Variants in CLSTN2 observed in about 807,000 individuals in gnomAD.
CLSTN2 encodes calsyntenin-2.
In CLSTN2, 48 loss-of-function variants were observed where a neutral mutation model predicts 101.2. That is an observed-to-expected ratio of 0.47 (90% CI 0.38 to 0.60). The LOEUF is 0.60. CLSTN2 is among the 20% of genes least tolerant of loss of function. The pLI is 0.00. For synonymous variants in CLSTN2, 481 were observed against 463.6 expected (o/e 1.04, Z -0.48); for missense variants, 1,160 against 1,238.2 (o/e 0.94, Z 0.95).
chr3:140,219,202 G>C (rs1259410677), intron 2 of CLSTN2, among the ~76,000 whole-genome samples: 2 of 151,948 alleles, frequency 1.3e-5, no homozygotes, highest in African/African-American at 4.8e-5. Flanking sequence ...TATTTCTAAA[G>C]AGTGAGGTGC....
At chr3:140,252,511 T>G (rs1368803053) in intron 2 of CLSTN2, among the ~76,000 whole-genome samples, 2 of 152,154 alleles carry the variant, frequency 1.3e-5, no homozygotes, top group African/African-American at 4.8e-5. Context: ...GAAGGGCGTA[T>G]AGATGAAAAA....
intron 11 of CLSTN2, among the ~76,000 whole-genome samples, chr3:140,558,069 G>C (rs915759993): frequency 6.6e-6 from 1 of 152,226 alleles, no homozygotes; most frequent in African/African-American, 2.4e-5. Context: ...ATGGATCCTT[G>C]TCTGTCTCAG....
intron 8 of CLSTN2, chr3:140,508,167 C>G (rs1308966761): frequency 6.6e-6 from 1 of 152,298 alleles, no homozygotes; most frequent in Non-Finnish European, 1.5e-5. Context: ...TCCTTCTCCC[C>G]ATGGGGCCCT....
At chr3:140,539,606 C>T (rs901472532) in intron 9 of CLSTN2, among the ~76,000 whole-genome samples, 1 of 152,216 alleles carries the variant, frequency 6.6e-6, no homozygotes, top group Non-Finnish European at 1.5e-5. Context: ...TCACCTGATG[C>T]ATCCCATCCT....
intron 1 of CLSTN2, among the ~76,000 whole-genome samples, chr3:140,119,709 A>C (rs1194066080): frequency 6.6e-6 from 1 of 152,016 alleles, no homozygotes; most frequent in Non-Finnish European, 1.5e-5. Context: ...GGGTTTTGCC[A>C]TGTTGCCCAG....
intron 1 of CLSTN2, among the ~76,000 whole-genome samples, chr3:139,998,196 C>A (rs1429434648): frequency 6.6e-6 from 1 of 152,030 alleles, no homozygotes; most frequent in Non-Finnish European, 1.5e-5. Context: ...TGTGGAGAAA[C>A]AAGCCTTCCT....
At chr3:140,381,406 C>G (rs1339383324) in intron 2 of CLSTN2, among the ~76,000 whole-genome samples, 5 of 152,146 alleles carry the variant, frequency 3.3e-5, no homozygotes. Context: ...CATAACAGTT[C>G]CTAAGGCAGA....
chr3:140,114,543 G>A (rs1334641830), intron 1 of CLSTN2, among the ~76,000 whole-genome samples: 3 of 152,072 alleles, frequency 2.0e-5, no homozygotes, highest in Admixed American at 6.6e-5. Context: ...ACAAAGGGGC[G>A]GTCTTAGACA....
intron 9 of CLSTN2, among the ~76,000 whole-genome samples, chr3:140,534,223 G>A (rs1000998551): frequency 1.3e-5 from 2 of 152,148 alleles, no homozygotes; most frequent in Admixed American, 6.5e-5. Context: ...TGGGTGTTAT[G>A]GAACATAGCC....
intron 8 of CLSTN2, among the ~76,000 whole-genome samples, chr3:140,476,654 C>CTTTTTT (rs564731249): frequency 8.0e-6 from 1 of 124,632 alleles, no homozygotes. Flanking sequence ...GTTTTAGCAT[C>CTTTTTT]TTTTTTTTTT....
In CLSTN2 at chr3:140,516,580, CTG is replaced by C. The variant is rs199863674; in HGVS notation, c.1345-15742_1345-15741del. Among the ~76,000 whole-genome samples, 559 of 150,320 alleles carry C rather than the reference CTG, an allele frequency of 3.7e-3. 3 individuals carry two copies. The highest frequency in any genetic ancestry group is 0.013 in the African/African-American group (513 of 40,878). ...TTTTTTTCTTTTTGTCTGAAAAAGA[CTG>C]TATCTTTCCTTCATTTATGAAGCTT... On this transcript the variant is annotated intron_variant, in intron 8 of 16. Transcript: ENST00000458420.
chr3:139,936,504 T>G (rs1370930302), intron 1 of CLSTN2, among the ~76,000 whole-genome samples: 1 of 152,154 alleles, frequency 6.6e-6, no homozygotes, highest in Non-Finnish European at 1.5e-5. Context: ...CAGGTGACAA[T>G]GAGGGGTACT....
chr3:140,538,685 A>G (rs764091106), intron 9 of CLSTN2, among the ~76,000 whole-genome samples: 17 of 152,202 alleles, frequency 1.1e-4, no homozygotes, highest in Non-Finnish European at 2.5e-4. Flanking sequence ...ACTTCTCTTA[A>G]TAAAGTCTGT....
intron 1 of CLSTN2, among the ~76,000 whole-genome samples, chr3:140,064,956 A>G (rs1225505368): frequency 6.6e-6 from 1 of 152,254 alleles, no homozygotes; most frequent in Non-Finnish European, 1.5e-5. Context: ...GATAATACAT[A>G]TAGATCTCAG....
At chr3:140,250,691 C>T (rs904692843) in intron 2 of CLSTN2, among the ~76,000 whole-genome samples, 3 of 152,140 alleles carry the variant, frequency 2.0e-5, no homozygotes, top group African/African-American at 7.2e-5. Context: ...TTGGATGAGC[C>T]TTCGCCAGGG....
rs1553785577 is a variant in CLSTN2 at position 139,955,112 on chromosome 3, C to CCATATATATATATATATATATA, written c.109+19629_109+19630insCATATATATATATATATATATA. Among the ~76,000 whole-genome samples the CCATATATATATATATATATATA allele has an allele frequency of 2.8e-4, 20 of 71,540 alleles. 2 individuals carry two copies. The highest frequency in any genetic ancestry group is 2.3e-4 in the Non-Finnish European group (9 of 39,782). The allele number at this position is 71,540 out of a possible 152,430, so 46.9% of individuals were successfully genotyped here. The stretch of plus-strand genomic sequence containing the variant: ...CATACATGTATATATGGCAATATTG[C>CCATATATATATATATATATATA]TATATATATATATATATATATATAT... On this transcript the variant is annotated intron_variant, in intron 1 of 16. Transcript: ENST00000458420.
At position 140,562,167 on chromosome 3, in the gene CLSTN2, C is replaced by T; in HGVS notation, c.2071C>T (p.Leu691Phe). The change falls in exon 13 of 17, where the codon CTT becomes TTT. Residue 691 changes from leucine to phenylalanine, a missense_variant. By Grantham distance (22) the Leu-to-Phe change is conservative. Transcript: ENST00000458420. ...DPKSEVLEEM[L>F]HNLDFCDILV... Reference sequence around the variant, plus strand: ...CAAATCAGAAGTCTTAGAGGAAATGCTTCATAACTTAGATTTCTGTGACAT... The same window carrying T: ...CAAATCAGAAGTCTTAGAGGAAATGTTTCATAACTTAGATTTCTGTGACAT... The T allele has an allele frequency of 1.2e-6, 2 of 1,614,050 alleles. No homozygotes were observed. The highest frequency in any genetic ancestry group is 1.7e-6 in the Non-Finnish European group (2 of 1,179,962).
At chr3:140,520,630 C>T (rs1023300857) in intron 8 of CLSTN2, among the ~76,000 whole-genome samples, 1 of 152,162 alleles carries the variant, frequency 6.6e-6, no homozygotes, top group East Asian at 1.9e-4. Context: ...CACAGCCAAA[C>T]CATATCAAGA....
chr3:140,185,025 A>AC (rs2010466572), intron 2 of CLSTN2, among the ~76,000 whole-genome samples: 1 of 151,946 alleles, frequency 6.6e-6, no homozygotes, highest in Non-Finnish European at 1.5e-5. Flanking sequence ...GTTGCCAGGT[A>AC]TCCCCCCATT....
Sources: allele counts gnomAD v4.1 joint callset (sites outside exome capture counted in the v4.1 genomes callset), GRCh38; gene constraint gnomAD v4.1.1; transcripts MANE v1.5; gene names NCBI Gene and HGNC (gene_info 2026-07-23, HGNC 2026-07-21).